Variants in SCNN1A observed in about 807,000 individuals in gnomAD.
SCNN1A encodes the protein sodium channel epithelial 1 subunit alpha.
In SCNN1A, 65 loss-of-function variants were observed where a neutral mutation model predicts 68.6. The ratio of observed to expected loss-of-function variants is 0.95; its 90% CI spans 0.78 to 1.16. The LOEUF (loss-of-function observed/expected upper bound fraction) is 1.16. Ranked by LOEUF, SCNN1A falls within the 50% of genes most tolerant of loss-of-function variation. The pLI is 0.00. For missense variants in SCNN1A, 880 were observed against 865.9 expected (o/e 1.02, Z -0.20); for synonymous variants, 357 against 353.3 (o/e 1.01, Z -0.12).
chr12:6,355,528 C>T, intron 5 of SCNN1A, 93 bp from the exon 6 acceptor site: 1 of 1,467,656 alleles, frequency 6.8e-7, no homozygotes. Flanking sequence ...TGCCCAGTCT[C>T]TAAAGCTGCA....
At chr12:6,356,270 C>T (rs1470463437) in intron 4 of SCNN1A, 2 of 309,692 alleles carry the variant, frequency 6.5e-6, no homozygotes, top group Non-Finnish European at 1.3e-5. Flanking sequence ...AAGATTCTTG[C>T]ATGTCCCTAA....
chr12:6,347,461 G>A lies in SCNN1A; in HGVS notation c.*412C>T. ...AGTGTGGCCAGGCCAGTCGGGGGCTGGCTTAAGCCGTCGCTGGGCAGGAAA... is the reference window on the plus strand; with the variant it reads ...AGTGTGGCCAGGCCAGTCGGGGGCTAGCTTAAGCCGTCGCTGGGCAGGAAA... On this transcript the variant is annotated 3_prime_UTR_variant, in exon 13 of 13. Coordinates refer to ENST00000228916, the MANE Select transcript of SCNN1A (RefSeq NM_001038.6). 1 of 221,054 alleles carries A rather than the reference G, an allele frequency of 4.5e-6. No homozygotes were observed. Among genetic ancestry groups the A allele is most frequent in the Admixed American group, 5.1e-5 (1 of 19,670 alleles). 13.7% of individuals were successfully genotyped at this position (221,054 alleles called of 1,614,324 possible).
At chr12:6,370,374 C>T (rs1251611276) in intron 2 of SCNN1A, among the ~76,000 whole-genome samples, 2 of 152,184 alleles carry the variant, frequency 1.3e-5, no homozygotes, top group Non-Finnish European at 2.9e-5. Context: ...GCAGCTGGCC[C>T]TCTCCCCTCT....
chr12:6,364,591 T>TA lies in SCNN1A; in HGVS notation c.417-882dup, dbSNP rs80062610. Among the ~76,000 whole-genome samples, 1,131 of 142,892 alleles carry TA rather than the reference T, an allele frequency of 7.9e-3. 5 individuals carry two copies. The highest frequency in any genetic ancestry group is 0.025 in the Middle Eastern group (7 of 278). The allele number at this position is 142,892 out of a possible 152,430, so 93.7% of individuals were successfully genotyped here. On this transcript the variant is annotated intron_variant, in intron 2 of 12. Transcript: ENST00000228916. Reference sequence around the variant, plus strand: ...TAACACGGTGAAACCCCGTCTTTACTAAAAAAAAAAAATACAAAAAATTAG... The same window carrying TA: ...TAACACGGTGAAACCCCGTCTTTACTAAAAAAAAAAAAATACAAAAAATTAG...
intron 5 of SCNN1A, 85 bp from the exon 6 acceptor site, chr12:6,355,520 C>A: frequency 6.7e-7 from 1 of 1,497,082 alleles, no homozygotes; most frequent in Non-Finnish European, 9.1e-7. Context: ...CCCTTCCTTG[C>A]CCAGTCTCTA....
chr12:6,356,484 G>C (rs1244212592), intron 4 of SCNN1A: 1 of 178,954 alleles, frequency 5.6e-6, no homozygotes, highest in South Asian at 1.2e-4. Flanking sequence ...GGGAGGAGGG[G>C]AGCAGGGTTA....
Position 6,364,053 on chromosome 12 carries a change from G to T in SCNN1A, c.417-343C>A, listed in dbSNP as rs1349359331. On this transcript the variant is annotated intron_variant, in intron 2 of 12. Transcript: ENST00000228916. ...CTGCCCTTTCCCAAAGAGGGGAAGG[G>T]TGAGGGCCTCGGCCTTGGCGTGACC... 3 of 203,622 alleles carry T rather than the reference G, an allele frequency of 1.5e-5. No homozygotes were observed. In the East Asian group the frequency reaches 3.3e-4, roughly 22 times the overall value. 12.6% of individuals were successfully genotyped at this position (203,622 alleles called of 1,614,324 possible).
At chr12:6,369,317 G>GCCACCCTACT (rs1948740043) in intron 2 of SCNN1A, among the ~76,000 whole-genome samples, 3 of 113,236 alleles carry the variant, frequency 2.6e-5, no homozygotes, top group South Asian at 3.3e-4. Flanking sequence ...GCCACCCTAC[G>GCCACCCTACT]CACCTCCCTC....
At position 6,347,959 on chromosome 12, in the gene SCNN1A, G is replaced by A; in HGVS notation, c.1924C>T (p.Pro642Ser). The A allele has an allele frequency of 6.4e-7, 1 of 1,568,004 alleles. No homozygotes were observed. The change falls in exon 13 of 13, where the codon CCT becomes TCT. Residue 642 changes from proline to serine, a missense_variant. Pro to Ser is a moderately conservative substitution (Grantham distance 74, BLOSUM62 -1). Around this residue, in one of 3 missense-constraint regions of SCNN1A, gnomAD observed 758 missense variants for 721.8 expected, o/e 1.05. Transcript: ENST00000228916. ...CGGGGGCCCAGGGTGGCATAGGCAGGGGGAGGGGCTGTCAAGGCTGGAGAG... is the reference window on the plus strand; with the variant it reads ...CGGGGGCCCAGGGTGGCATAGGCAGAGGGAGGGGCTGTCAAGGCTGGAGAG... Reference protein sequence around the residue: ...APSPALTAPPPAYATLGPRPS... With the variant: ...APSPALTAPPSAYATLGPRPS...
chr12:6,357,354 A>G (rs2136871876), intron 4 of SCNN1A, among the ~76,000 whole-genome samples: 1 of 152,198 alleles, frequency 6.6e-6, no homozygotes, highest in South Asian at 2.1e-4. Flanking sequence ...CAGGTGGATC[A>G]GTTGAAGTCA....
chr12:6,355,454 C>T lies in SCNN1A; in HGVS notation c.980-19G>A. On this transcript the variant is annotated intron_variant, in intron 5 of 12. Coordinates refer to ENST00000228916, the MANE Select transcript of SCNN1A (RefSeq NM_001038.6). The stretch of plus-strand genomic sequence containing the variant: ...GACAGACCTAGGGGTGCAGAGAGAG[C>T]AGAGTTGGCAGAGGCGGGAATCCTA... 5 of 1,613,022 alleles carry T rather than the reference C, an allele frequency of 3.1e-6. No homozygotes were observed. Among genetic ancestry groups the T allele is most frequent in the Non-Finnish European group, 4.2e-6 (5 of 1,179,596 alleles).
In SCNN1A at chr12:6,374,702, C is replaced by T. The variant is rs1450797160; in HGVS notation, c.82G>A (p.Glu28Lys). 1 of 1,614,022 alleles carries T rather than the reference C, an allele frequency of 6.2e-7. No homozygotes were observed. Among genetic ancestry groups the T allele is most frequent in the Non-Finnish European group, 8.5e-7 (1 of 1,180,032 alleles). Residue 28 changes from glutamate to lysine, a missense_variant, in exon 2 of 13, where the codon GAG becomes AAG. Glu to Lys is a moderately conservative substitution (Grantham distance 56). Around this residue, in one of 3 missense-constraint regions of SCNN1A, gnomAD observed 77 missense variants for 67.4 expected, o/e 1.14. Coordinates refer to ENST00000228916, the MANE Select transcript of SCNN1A (RefSeq NM_001038.6). The surrounding 1 kb of genome is among the most constrained non-coding windows in gnomAD (Gnocchi z 6.2). ...GCAGGTTCGGGGCCCAGCCCCTGCT[C>T]CTCACGCTTGTTCCCCTTCATGAGC... ...PGLMKGNKRE[E>K]QGLGPEPAAP...
At chr12:6,363,806 G>T in intron 2 of SCNN1A, 96 bp from the exon 3 acceptor site, 1 of 1,229,742 alleles carries the variant, frequency 8.1e-7, no homozygotes, top group South Asian at 1.6e-5. Context: ...CCGGGAGGCC[G>T]GTCCATCCCG....
At position 6,349,301 on chromosome 12, in the gene SCNN1A, C is replaced by T. The variant is rs61759912; in HGVS notation, c.1439+26G>A. 6.2e-5 allele frequency: 100 copies of T among 1,613,330 alleles called. 1 individual carries two copies. The highest frequency in any genetic ancestry group is 8.3e-5 in the Non-Finnish European group (98 of 1,179,412). ...CTCGGTAACCTGTATTCTACCCAAC[C>T]TGTACCCGGGGAAGGGGACACTAAC... On this transcript the variant is annotated intron_variant, in intron 9 of 12. Coordinates refer to ENST00000228916, the MANE Select transcript of SCNN1A (RefSeq NM_001038.6).
intron 2 of SCNN1A, among the ~76,000 whole-genome samples, chr12:6,373,045 G>T (rs759963256): frequency 1.3e-5 from 2 of 152,074 alleles, no homozygotes; most frequent in African/African-American, 2.4e-5. Flanking sequence ...AGACACCTTC[G>T]CAGCGTCTGT....
At position 6,355,165 on chromosome 12, in the gene SCNN1A, G is replaced by A. The variant is rs868114688; in HGVS notation, c.1143+107C>T. ...TTCCTGCTCCTGAAGACCTCCACAT[G>A]CTCAAGGCCCACCCCACATGCTCTC... is the stretch of plus-strand genomic sequence containing the variant. On this transcript the variant is annotated intron_variant, in intron 6 of 12. Transcript: ENST00000228916. The A allele has an allele frequency of 9.9e-5, 127 of 1,287,088 alleles. No homozygotes were observed. In the African/African-American group the frequency reaches 1.7e-3, roughly 17 times the overall value. 79.7% of individuals were successfully genotyped at this position (1,287,088 alleles called of 1,614,324 possible).
intron 11 of SCNN1A, 60 bp downstream of exon 11, chr12:6,348,890 T>C: frequency 1.2e-6 from 2 of 1,606,092 alleles, no homozygotes; most frequent in Admixed American, 1.7e-5. Flanking sequence ...TCCCTCTTCT[T>C]AGGTCTATTT....
At position 6,351,152 on chromosome 12, in the gene SCNN1A, C is replaced by G. The variant is rs1225830065; in HGVS notation, c.1361-1747G>C. Among the ~76,000 whole-genome samples the G allele has an allele frequency of 1.3e-5, 2 of 152,214 alleles. No homozygotes were observed. Among genetic ancestry groups the G allele is most frequent in the African/African-American group, 4.8e-5 (2 of 41,440 alleles). ...AAAGTGGCAACAACACAAATGTCCA[C>G]TAACTGATAAATGGGTAAACAAAGT... On this transcript the variant is annotated intron_variant, in intron 8 of 12. Coordinates refer to ENST00000228916, the MANE Select transcript of SCNN1A (RefSeq NM_001038.6). This position sits in a 1 kb window ranked among gnomAD's most constrained non-coding sequence, Gnocchi z 4.2.
Position 6,363,633 on chromosome 12 carries a change from C to T in SCNN1A, c.494G>A (p.Ser165Asn), listed in dbSNP as rs1444792166. ...EQTLFDLYKYSSFTTLVAGSR... is the reference protein window; with the variant it reads ...EQTLFDLYKYNSFTTLVAGSR... ...GCCGGCCACGAGAGTGGTGAAGGAG[C>T]TGTATTTGTACAGGTCAAAGAGCGT... The change falls in exon 3 of 13, where the codon AGC (serine) becomes AAC (asparagine). Residue 165 changes from serine (S) to asparagine (N), a missense_variant. Ser to Asn is a conservative substitution (Grantham distance 46). This residue lies in a region of SCNN1A where 758 missense variants were observed against 721.8 expected (regional missense o/e 1.05). Transcript: ENST00000228916. The T allele has an allele frequency of 1.2e-6, 2 of 1,613,324 alleles. No homozygotes were observed. Among genetic ancestry groups the T allele is most frequent in the African/African-American group, 1.3e-5 (1 of 74,862 alleles).
Sources: gnomAD v4.1 joint callset for allele counts (sites outside exome capture counted in the v4.1 genomes callset) on GRCh38, gnomAD v4.1.1 for gene constraint, gnomAD v4.1.1 regional missense constraint, Gnocchi (gnomAD v3.1) non-coding constraint, MANE v1.5 for transcripts, NCBI Gene and HGNC (gene_info 2026-07-23, HGNC 2026-07-21) for gene names.